TRIM13: variants seen among roughly 807,000 people sequenced by gnomAD.
The protein encoded by TRIM13 is tripartite motif containing 13, also known as E3 ubiquitin-protein ligase TRIM13.
Under a neutral mutation model 27.1 loss-of-function variants are expected in TRIM13, and 15 were observed. That is an observed-to-expected ratio of 0.55 (90% CI 0.37 to 0.85). The LOEUF is 0.85. Ranked by LOEUF, TRIM13 falls within the 40% of genes least tolerant of loss-of-function variation. The pLI is 0.00. For synonymous variants in TRIM13, 193 were observed against 171.5 expected (o/e 1.13, Z -0.98); for missense variants, 402 against 472.2 (o/e 0.85, Z 1.38).
chr13:50,013,204 G>C lies in TRIM13; in HGVS notation c.*40G>C, dbSNP rs1406086267. 3.3e-6 allele frequency: 5 copies of C among 1,506,268 alleles called. No homozygotes were observed. The East Asian group carries it at 9.2e-5, about 28-fold the overall frequency. 93.3% of individuals were successfully genotyped at this position (1,506,268 alleles called of 1,614,324 possible). ...ATGCAGTTTTCTTTTGTTAGAAATT[G>C]TTAGAGAATAGAGAGTGGTAATTCA... On this transcript the variant is annotated 3_prime_UTR_variant, in exon 2 of 2. Coordinates refer to ENST00000378182, the MANE Select transcript of TRIM13 (RefSeq NM_213590.3).
chr13:50,011,891 G>A, intron 1 of TRIM13, 44 bp from the exon 2 acceptor site: 1 of 1,540,676 alleles, frequency 6.5e-7, no homozygotes, highest in South Asian at 1.3e-5. Flanking sequence ...TAGTCCTAGT[G>A]GTGACGGTTA....
rs1218595989 is a variant in TRIM13 at position 50,017,208 on chromosome 13, T to C, written c.*4044T>C. ...GGGATACTTTAACAAAAATGAAATTTTTTTTGGTTTTTAAAATATGAGTGA... is the reference window on the plus strand; with the variant it reads ...GGGATACTTTAACAAAAATGAAATTCTTTTTGGTTTTTAAAATATGAGTGA... On this transcript the variant is annotated 3_prime_UTR_variant, in exon 2 of 2. Coordinates refer to ENST00000378182, the MANE Select transcript of TRIM13 (RefSeq NM_213590.3). The C allele has an allele frequency of 6.0e-6, 1 of 167,042 alleles. No individual in the cohort carries two copies. Among genetic ancestry groups the C allele is most frequent in the Non-Finnish European group, 1.5e-5 (1 of 68,120 alleles). The allele number at this position is 167,042 out of a possible 1,614,324, so 10.3% of individuals were successfully genotyped here.
chr13:49,998,066 C>CT (rs1873460000), intron 1 of TRIM13, among the ~76,000 whole-genome samples: 1 of 152,076 alleles, frequency 6.6e-6, no homozygotes, highest in Non-Finnish European at 1.5e-5. Flanking sequence ...AATTGTCAGG[C>CT]TGCTAGGGCT....
chr13:50,009,776 A>G (rs563392449), intron 1 of TRIM13, among the ~76,000 whole-genome samples: 2 of 150,196 alleles, frequency 1.3e-5, no homozygotes, highest in South Asian at 4.2e-4. Context: ...AACAAAAAAC[A>G]CTAAAACTAA....
chr13:50,004,205 A>G (rs1379072644), intron 1 of TRIM13, among the ~76,000 whole-genome samples: 1 of 152,242 alleles, frequency 6.6e-6, no homozygotes, highest in African/African-American at 2.4e-5. Flanking sequence ...TCTTGCCTGT[A>G]TAATCAGCAC....
rs1875903801 is a variant in TRIM13, at chr13:50,013,340, T to A, written c.*176T>A. ...TAAAGATAAAAGTGAAATTTAGTAGTATAGGCCTGAACCTTTTTTTGTTTA... is the reference window on the plus strand; with the variant it reads ...TAAAGATAAAAGTGAAATTTAGTAGAATAGGCCTGAACCTTTTTTTGTTTA... On this transcript the variant is annotated 3_prime_UTR_variant, in exon 2 of 2. Coordinates refer to ENST00000378182, the MANE Select transcript of TRIM13 (RefSeq NM_213590.3). 2 of 626,106 alleles carry A rather than the reference T, an allele frequency of 3.2e-6. No individual in the cohort carries two copies. The highest frequency in any genetic ancestry group is 6.5e-5 in the East Asian group (2 of 30,764). 38.8% of individuals were successfully genotyped at this position (626,106 alleles called of 1,614,324 possible). A position where few individuals can be genotyped will look rare whatever the true frequency, so the allele number is the denominator to read the frequency against.
In TRIM13 at chr13:50,015,087, AAAAAAAAATATATATATATATATATAT is replaced by A. The variant is rs1187955553; in HGVS notation, c.*1925_*1951del. ...CCCCTCCCAGTAATAAAAAAAAAAA[AAAAAAAAATATATATATATATATATAT>A]ATATATATATATATATATATATATA... On this transcript the variant is annotated 3_prime_UTR_variant, in exon 2 of 2. Coordinates refer to ENST00000378182, the MANE Select transcript of TRIM13 (RefSeq NM_213590.3). 1.3e-4 allele frequency: 7 copies of A among 54,798 alleles called. No homozygotes were observed. The highest frequency in any genetic ancestry group is 7.7e-4 in the Admixed American group (3 of 3,902). 3.4% of individuals were successfully genotyped at this position (54,798 alleles called of 1,614,324 possible).
intron 1 of TRIM13, among the ~76,000 whole-genome samples, chr13:50,007,505 C>G (rs1032299508): frequency 2.2e-5 from 3 of 133,348 alleles, no homozygotes; most frequent in Non-Finnish European, 3.2e-5. Context: ...AAAAAAAAAA[C>G]GCCAGGCACG....
At chr13:50,005,664 G>T (rs2066545) in intron 1 of TRIM13, among the ~76,000 whole-genome samples, 207 of 148,898 alleles carry the variant, frequency 1.4e-3, no homozygotes, top group Non-Finnish European at 2.6e-3. Flanking sequence ...AACAGTGCAA[G>T]ACTCCATCTC....
chr13:50,001,017 C>G (rs1330084716), intron 1 of TRIM13: 5 of 152,278 alleles, frequency 3.3e-5, no homozygotes, highest in African/African-American at 4.8e-5. Context: ...TGGCCGGGTG[C>G]AGTGGCTCAG....
At chr13:49,998,243 T>G (rs1321432685) in intron 1 of TRIM13, among the ~76,000 whole-genome samples, 3 of 151,994 alleles carry the variant, frequency 2.0e-5, no homozygotes, top group East Asian at 1.9e-4. Flanking sequence ...TAAAAATACG[T>G]TTTTTTTCCT....
chr13:50,011,919 T>C lies in TRIM13; in HGVS notation c.-6-16T>C, dbSNP rs781571974. 2.5e-6 allele frequency: 4 copies of C among 1,570,716 alleles called. No individual in the cohort carries two copies. The highest frequency in any genetic ancestry group is 2.6e-6 in the Non-Finnish European group (3 of 1,161,762). ...GACGGTTATTGGAGTAAAATAATTT[T>C]TTTTTTTTCTGGTAGGATGTGATGG... On this transcript the variant is annotated splice_polypyrimidine_tract_variant and intron_variant, in intron 1 of 1. Coordinates refer to ENST00000378182, the MANE Select transcript of TRIM13 (RefSeq NM_213590.3).
rs746100286 is a variant in TRIM13, at chr13:50,013,126, A to G, written c.1186A>G (p.Asn396Asp). ...GAATTTTACTTTGGTGGTACTGAAC[A>G]ATGTGGCAGAATTTGTGTGCAAATA... ...FKNFTLVVLN[N>D]VAEFVCKYKL... The change falls in exon 2 of 2, where the codon AAT (asparagine) becomes GAT (aspartate). Residue 396 changes from asparagine (N) to aspartate (D), a missense_variant. This residue lies in a region of TRIM13 where 200 missense variants were observed against 194.7 expected (regional missense o/e 1.03). Transcript: ENST00000378182. 1.9e-6 allele frequency: 3 copies of G among 1,587,984 alleles called. No homozygotes were observed. Among genetic ancestry groups the G allele is most frequent in the Non-Finnish European group, 2.6e-6 (3 of 1,169,356 alleles).
rs1036311321 is a variant in TRIM13 at position 50,008,883 on chromosome 13, G to A, written c.-6-3052G>A. On this transcript the variant is annotated intron_variant, in intron 1 of 1. Transcript: ENST00000378182. ...AAAACTACAAAGAAAAAAAAAATTA[G>A]CTGAGTGTGATGGTGCGTGCCTGTA... Among the ~76,000 whole-genome samples, 11 of 151,248 alleles carry A rather than the reference G, an allele frequency of 7.3e-5. 1 individual carries two copies. The highest frequency in any genetic ancestry group is 2.4e-4 in the African/African-American group (10 of 41,130).
At position 50,017,834 on chromosome 13, in the gene TRIM13, T is replaced by G. The variant is rs1021459814; in HGVS notation, c.*4670T>G. 6.0e-6 allele frequency: 1 copy of G among 167,072 alleles called. No individual in the cohort carries two copies. Among genetic ancestry groups the G allele is most frequent in the African/African-American group, 2.4e-5 (1 of 41,454 alleles). 10.3% of individuals were successfully genotyped at this position (167,072 alleles called of 1,614,324 possible). On this transcript the variant is annotated 3_prime_UTR_variant, in exon 2 of 2. Transcript: ENST00000378182. ...TGAATCTATCTGTCTATTCAGATATTTTTTGGTAGGTTTGGAAAATGGAGA... is the reference window on the plus strand; with the variant it reads ...TGAATCTATCTGTCTATTCAGATATGTTTTGGTAGGTTTGGAAAATGGAGA...
Position 50,012,679 on chromosome 13 carries a change from G to T in TRIM13, c.739G>T (p.Val247Leu). 6.2e-7 allele frequency: 1 copy of T among 1,614,112 alleles called. No homozygotes were observed. The highest frequency in any genetic ancestry group is 8.5e-7 in the Non-Finnish European group (1 of 1,180,004). ...EAFKDVSEPI[V>L]FLQQMQEFRE... is the part of the protein sequence containing the mutation. Reference sequence around the variant, plus strand: ...TTTCAAAGATGTGTCAGAACCCATTGTATTTCTGCAACAGATGCAGGAGTT... The same window carrying T: ...TTTCAAAGATGTGTCAGAACCCATTTTATTTCTGCAACAGATGCAGGAGTT... The change falls in exon 2 of 2, where the codon GTA (valine) becomes TTA (leucine). Residue 247 changes from valine (V) to leucine (L), a missense_variant. Coordinates refer to ENST00000378182, the MANE Select transcript of TRIM13 (RefSeq NM_213590.3).
At chr13:50,000,087 A>T (rs1326657696) in intron 1 of TRIM13, among the ~76,000 whole-genome samples, 1 of 152,166 alleles carries the variant, frequency 6.6e-6, no homozygotes, top group African/African-American at 2.4e-5. Context: ...TATTGCCTAT[A>T]CATATATATT....
At chr13:49,999,257 G>C (rs1015543056) in intron 1 of TRIM13, among the ~76,000 whole-genome samples, 1 of 152,092 alleles carries the variant, frequency 6.6e-6, no homozygotes, top group African/African-American at 2.4e-5. Context: ...TCTTTAGACG[G>C]GCTATGTAAA....
chr13:50,008,876 A>G (rs547662499), intron 1 of TRIM13, among the ~76,000 whole-genome samples: 119 of 151,880 alleles, frequency 7.8e-4, no homozygotes, highest in African/African-American at 2.8e-3. Context: ...AAAGAAAAAA[A>G]AAATTAGCTG....
Sources: gnomAD v4.1 joint callset for allele counts (sites outside exome capture counted in the v4.1 genomes callset) on GRCh38, gnomAD v4.1.1 for gene constraint, gnomAD v4.1.1 regional missense constraint, MANE v1.5 for transcripts, NCBI Gene and HGNC (gene_info 2026-07-23, HGNC 2026-07-21) for gene names.